The following COMMD1 variants were observed in gnomAD, a reference collection of about 807,000 sequenced individuals.
The protein encoded by COMMD1 is COMM domain-containing protein 1.
A neutral mutation model predicts 17.2 loss-of-function variants in COMMD1; 10 were observed. The observed-to-expected ratio is 0.58, with a 90% CI of 0.36 to 0.99. The LOEUF (loss-of-function observed/expected upper bound fraction) is 0.99. COMMD1 is among the 50% of genes least tolerant of loss of function. The probability of loss-of-function intolerance (pLI) is 0.01; values close to 1 mark genes in which losing one functional copy is unlikely to be tolerated. For missense variants in COMMD1, 270 were observed against 231.8 expected (o/e 1.17, Z -1.07); for synonymous variants, 97 against 91.6 (o/e 1.06, Z -0.34).
At chr2:61,894,230 A>G (rs890985587) in intron 1 of COMMD1, among the ~76,000 whole-genome samples, 1 of 152,108 alleles carries the variant, frequency 6.6e-6, no homozygotes, top group Admixed American at 6.6e-5. Flanking sequence ...CAGCCTCCCA[A>G]ATAGCTGGGA....
At chr2:61,984,903 C>G (rs1672060648) in intron 1 of COMMD1, among the ~76,000 whole-genome samples, 1 of 147,090 alleles carries the variant, frequency 6.8e-6, no homozygotes, top group Non-Finnish European at 1.5e-5. Flanking sequence ...CATATAATGA[C>G]TTTTTTTTTT....
chr2:62,096,413 G>A (rs1476179777), intron 2 of COMMD1, among the ~76,000 whole-genome samples: 1 of 152,172 alleles, frequency 6.6e-6, no homozygotes, highest in Admixed American at 6.5e-5. Flanking sequence ...TATTCCTAGA[G>A]CATTCTCATT....
At chr2:61,997,808 T>C (rs1668806735) in intron 1 of COMMD1, among the ~76,000 whole-genome samples, 1 of 152,220 alleles carries the variant, frequency 6.6e-6, no homozygotes, top group African/African-American at 2.4e-5. Context: ...CCTTTGAAGC[T>C]AGGCATTGAC....
At chr2:61,985,427 C>T (rs1393983750) in intron 1 of COMMD1, among the ~76,000 whole-genome samples, 1 of 152,062 alleles carries the variant, frequency 6.6e-6, no homozygotes, top group Non-Finnish European at 1.5e-5. Context: ...TCCATTCAGC[C>T]ACTCTGTGTC....
At chr2:62,120,964 G>C (rs957814448) in intron 2 of COMMD1, among the ~76,000 whole-genome samples, 8 of 150,604 alleles carry the variant, frequency 5.3e-5, no homozygotes, top group Admixed American at 2.6e-4. Flanking sequence ...GGCTGGTTGT[G>C]AACTCCTGAG....
chr2:62,115,804 G>A (rs1672573919), intron 2 of COMMD1, among the ~76,000 whole-genome samples: 1 of 150,858 alleles, frequency 6.6e-6, no homozygotes. Flanking sequence ...AATATAGATA[G>A]GAAAGTCATA....
intron 1 of COMMD1, among the ~76,000 whole-genome samples, chr2:61,953,793 A>G (rs1383657796): frequency 6.6e-6 from 1 of 152,176 alleles, no homozygotes; most frequent in Non-Finnish European, 1.5e-5. Context: ...TAATTCTAAT[A>G]GATGTGTAGT....
At chr2:61,999,823 G>A (rs910093954) in intron 1 of COMMD1, among the ~76,000 whole-genome samples, 10 of 152,070 alleles carry the variant, frequency 6.6e-5, no homozygotes. Context: ...CGAATTGAGT[G>A]ACATGGAATT....
intron 2 of COMMD1, among the ~76,000 whole-genome samples, chr2:62,082,488 C>T (rs1671551963): frequency 6.6e-6 from 1 of 152,176 alleles, no homozygotes; most frequent in Admixed American, 6.5e-5. Context: ...CAGTGACTAG[C>T]TCTCCCAGCG....
intron 1 of COMMD1, among the ~76,000 whole-genome samples, chr2:61,948,391 G>T (rs991616717): frequency 6.6e-6 from 1 of 151,966 alleles, no homozygotes; most frequent in Non-Finnish European, 1.5e-5. Context: ...GAGAGTTTCG[G>T]GACTACTTAA....
chr2:61,975,667 A>G (rs1671781595), intron 1 of COMMD1, among the ~76,000 whole-genome samples: 1 of 152,166 alleles, frequency 6.6e-6, no homozygotes, highest in African/African-American at 2.4e-5. Context: ...TTTCATTAAA[A>G]CATTTAAATT....
At chr2:61,905,927 C>T (rs56175809) in intron 1 of COMMD1, 69 bp downstream of exon 1, 45 of 1,485,044 alleles carry the variant, frequency 3.0e-5, no homozygotes, top group Admixed American at 1.4e-4. Flanking sequence ...GACTCTCCCC[C>T]CCTTGCCTTC....
At chr2:61,910,226 A>G (rs995935993) in intron 1 of COMMD1, among the ~76,000 whole-genome samples, 1 of 151,786 alleles carries the variant, frequency 6.6e-6, no homozygotes, top group Non-Finnish European at 1.5e-5. Context: ...TATATAAAAT[A>G]TATAAAAGGC....
chr2:61,984,493 A>G (rs1672050493), intron 1 of COMMD1, among the ~76,000 whole-genome samples: 1 of 152,196 alleles, frequency 6.6e-6, no homozygotes, highest in South Asian at 2.1e-4. Flanking sequence ...GCCGATTTCT[A>G]GTTGTATTCC....
chr2:62,108,616 T>C (rs531020152), intron 2 of COMMD1, among the ~76,000 whole-genome samples: 1 of 152,254 alleles, frequency 6.6e-6, no homozygotes, highest in Admixed American at 6.5e-5. Flanking sequence ...TCATCTCAGG[T>C]GATTAAGAGT....
chr2:62,074,687 C>A (rs1047013841), intron 2 of COMMD1, among the ~76,000 whole-genome samples: 1 of 152,124 alleles, frequency 6.6e-6, no homozygotes, highest in African/African-American at 2.4e-5. Context: ...ACAGGAAAAA[C>A]AAAAACTAAG....
intron 1 of COMMD1, among the ~76,000 whole-genome samples, chr2:61,935,472 AC>A (rs1398577832): frequency 6.6e-6 from 1 of 152,124 alleles, no homozygotes; most frequent in African/African-American, 2.4e-5. Context: ...CTACAAAAAT[AC>A]AAAAATTAGC....
intron 2 of COMMD1, among the ~76,000 whole-genome samples, chr2:62,014,063 A>C (rs1669363881): frequency 6.6e-6 from 1 of 152,196 alleles, no homozygotes; most frequent in African/African-American, 2.4e-5. Flanking sequence ...ATACCCAATA[A>C]AATGATTTAA....
intron 2 of COMMD1, among the ~76,000 whole-genome samples, chr2:62,086,881 A>T (rs1426844315): frequency 2.0e-5 from 3 of 151,700 alleles, no homozygotes; most frequent in African/African-American, 7.3e-5. Context: ...TTTGAGATGG[A>T]GTCTCCCTCT....
Sources: allele counts gnomAD v4.1 joint callset (sites outside exome capture counted in the v4.1 genomes callset), GRCh38; gene constraint gnomAD v4.1.1; transcripts MANE v1.5; gene names NCBI Gene and HGNC (gene_info 2026-07-23, HGNC 2026-07-21).